Variants in CCNY observed in about 807,000 individuals in gnomAD.
CCNY encodes the protein cyclin-Y.
A neutral mutation model predicts 42.8 loss-of-function variants in CCNY; 19 were observed. The observed-to-expected ratio is 0.44, with a 90% CI of 0.31 to 0.65. The LOEUF is 0.65. Among genes scored for constraint, CCNY ranks in the 30% least tolerant of loss-of-function variants. The pLI is 0.07. For synonymous variants in CCNY, 165 were observed against 162.7 expected, an observed-to-expected ratio of 1.01 and a Z score of -0.11; for missense variants, 370 against 437.3, an observed-to-expected ratio of 0.85 and a Z score of 1.37.
chr10:35,278,413 C>T (rs1038062043), intron 3 of CCNY, among the ~76,000 whole-genome samples: 12 of 151,492 alleles, frequency 7.9e-5, no homozygotes, highest in Admixed American at 1.3e-4. Flanking sequence ...GTCCATACTC[C>T]GCCCAACACT....
intron 3 of CCNY, among the ~76,000 whole-genome samples, chr10:35,324,015 C>T (rs530443127): frequency 1.7e-4 from 22 of 127,908 alleles, no homozygotes; most frequent in African/African-American, 6.7e-4. Context: ...GAGACTTTGC[C>T]TCAAAAAAAA....
At chr10:35,380,961 C>T (rs1181042923) in intron 1 of CCNY, among the ~76,000 whole-genome samples, 4 of 152,104 alleles carry the variant, frequency 2.6e-5, no homozygotes, top group Non-Finnish European at 4.4e-5. Flanking sequence ...TTGAAGCGTC[C>T]GAGTACCATT....
intron 3 of CCNY, among the ~76,000 whole-genome samples, chr10:35,270,588 T>C (rs1835150632): frequency 1.3e-5 from 2 of 152,164 alleles, no homozygotes; most frequent in African/African-American, 4.8e-5. Flanking sequence ...GTGCTGGAAG[T>C]GTGAGTGCTC....
intron 3 of CCNY, among the ~76,000 whole-genome samples, chr10:35,262,320 G>GTCATT (rs2095720503): frequency 1.1e-5 from 1 of 87,748 alleles, no homozygotes; most frequent in Non-Finnish European, 2.7e-5. Context: ...GTCAACATGA[G>GTCATT]TCATTTTATT....
chr10:35,247,483 G>C (rs1355192188), intron 1 of CCNY, among the ~76,000 whole-genome samples: 1 of 152,120 alleles, frequency 6.6e-6, no homozygotes, highest in African/African-American at 2.4e-5. Flanking sequence ...TACTTGGGGA[G>C]GCTGAGGTGG....
At position 35,568,993 on chromosome 10, in the gene CCNY, G is replaced by A. The variant is rs111893469; in HGVS notation, c.910-61G>A. ...ATGCAGCGCCCTCGGCGCCCAGGAC[G>A]AGTGAGCAATGGACGCAGATATGGC... On this transcript the variant is annotated intron_variant, in intron 9 of 9. Transcript: ENST00000374704. 66 of 1,111,946 alleles carry A rather than the reference G, an allele frequency of 5.9e-5. No homozygotes were observed. The African/African-American group carries it at 7.7e-4, about 13-fold the overall frequency. 68.9% of individuals were successfully genotyped at this position (1,111,946 alleles called of 1,614,324 possible).
At chr10:35,548,751 G>GA (rs1437861538) in intron 7 of CCNY, among the ~76,000 whole-genome samples, 2 of 152,110 alleles carry the variant, frequency 1.3e-5, no homozygotes, top group East Asian at 3.9e-4. Context: ...AGGTGGAAGG[G>GA]AGGCAGGAGA....
chr10:35,399,377 C>T (rs1837595099), intron 1 of CCNY, among the ~76,000 whole-genome samples: 1 of 151,886 alleles, frequency 6.6e-6, no homozygotes, highest in South Asian at 2.1e-4. Context: ...GTGTCTACTC[C>T]ACTTTTCTGG....
Position 35,457,585 on chromosome 10 carries a change from A to ATT in CCNY, c.155-25807_155-25806dup, listed in dbSNP as rs879797759. ...TACTGTAACCCAAATTCATAGATGT[A>ATT]TTTTTTTTTTTTTGAGATGGAGTCT... On this transcript the variant is annotated intron_variant, in intron 1 of 9. Coordinates refer to ENST00000374704, the MANE Select transcript of CCNY (RefSeq NM_145012.6). Among the ~76,000 whole-genome samples, 944 of 146,176 alleles carry ATT rather than the reference A, an allele frequency of 6.5e-3. 6 individuals carry two copies. Among genetic ancestry groups the ATT allele is most frequent in the African/African-American group, 0.022 (900 of 40,004 alleles).
chr10:35,480,073 C>G (rs1839632271), intron 1 of CCNY, among the ~76,000 whole-genome samples: 1 of 151,922 alleles, frequency 6.6e-6, no homozygotes, highest in Admixed American at 6.6e-5. Flanking sequence ...TCTTCAAGAT[C>G]TGGCCTGTAT....
intron 1 of CCNY, among the ~76,000 whole-genome samples, chr10:35,465,938 A>AGAGAGAGAGAGTGTGTGTGTGT: frequency 1.2e-5 from 1 of 80,960 alleles, no homozygotes; most frequent in African/African-American, 4.4e-5. Context: ...AGAGAGAGAG[A>AGAGAGAGAGAGTGTGTGTGTGT]GTGTGTGTGT....
chr10:35,523,741 A>G (rs1840595601), intron 4 of CCNY, among the ~76,000 whole-genome samples: 1 of 152,222 alleles, frequency 6.6e-6, no homozygotes, highest in South Asian at 2.1e-4. Flanking sequence ...TTAATATAAG[A>G]TCATGCTTTT....
chr10:35,501,776 C>T (rs1840115737), intron 3 of CCNY: 3 of 422,640 alleles, frequency 7.1e-6, no homozygotes, highest in Admixed American at 3.9e-5. Flanking sequence ...TGTGTGTGAA[C>T]AATAACATAT....
intron 1 of CCNY, among the ~76,000 whole-genome samples, chr10:35,397,106 C>T (rs970601523): frequency 1.3e-5 from 2 of 152,186 alleles, no homozygotes; most frequent in African/African-American, 2.4e-5. Flanking sequence ...GCTGGGGTCC[C>T]TCTGCCACTG....
chr10:35,271,502 G>A (rs1413317040), intron 3 of CCNY, among the ~76,000 whole-genome samples: 1 of 152,138 alleles, frequency 6.6e-6, no homozygotes, highest in Non-Finnish European at 1.5e-5. Context: ...TGAAATACCC[G>A]AGCATTCTGT....
Position 35,570,045 on chromosome 10 carries a change from T to G in CCNY, c.*875T>G, listed in dbSNP as rs1231869678. 1.3e-5 allele frequency: 2 copies of G among 152,778 alleles called. No individual in the cohort carries two copies. Among genetic ancestry groups the G allele is most frequent in the Non-Finnish European group, 2.9e-5 (2 of 68,058 alleles). 9.5% of individuals were successfully genotyped at this position (152,778 alleles called of 1,614,324 possible). ...CAGCAGAGGGTGTCCCTGTGAGAGT[T>G]CTGCAGAGTGCTGGGCATGTGCCTG... is the stretch of plus-strand genomic sequence containing the variant. On this transcript the variant is annotated 3_prime_UTR_variant, in exon 10 of 10. Coordinates refer to ENST00000374704, the MANE Select transcript of CCNY (RefSeq NM_145012.6).
intron 1 of CCNY, among the ~76,000 whole-genome samples, chr10:35,437,397 C>G (rs571309790): frequency 6.6e-6 from 1 of 152,236 alleles, no homozygotes; most frequent in East Asian, 1.9e-4. Flanking sequence ...TTTAAAGTAT[C>G]ATTTTCAGGC....
At chr10:35,533,106 G>C (rs776104636) in intron 7 of CCNY, among the ~76,000 whole-genome samples, 3 of 152,130 alleles carry the variant, frequency 2.0e-5, no homozygotes, top group Non-Finnish European at 2.9e-5. Context: ...GATGGGATGT[G>C]GCAGGACAGT....
intron 1 of CCNY, among the ~76,000 whole-genome samples, chr10:35,247,803 GA>G (rs947705998): frequency 2.3e-4 from 34 of 149,324 alleles, no homozygotes; most frequent in African/African-American, 7.2e-4. Flanking sequence ...GTAAACCCAG[GA>G]GGTGGAGCTT....
Sources: gnomAD v4.1 joint callset for allele counts (sites outside exome capture counted in the v4.1 genomes callset) on GRCh38, gnomAD v4.1.1 for gene constraint, MANE v1.5 for transcripts, NCBI Gene and HGNC (gene_info 2026-07-23, HGNC 2026-07-21) for gene names.